Variants in SLC26A5 observed in about 807,000 individuals in gnomAD.
SLC26A5 encodes prestin.
In SLC26A5, 51 loss-of-function variants were observed where a neutral mutation model predicts 81.0. That is an observed-to-expected ratio of 0.63 (90% CI 0.50 to 0.80). The LOEUF is 0.80. Ranked by LOEUF, SLC26A5 falls within the 30% of genes least tolerant of loss-of-function variation. SLC26A5 has a pLI of 0.00. For missense variants in SLC26A5, 771 were observed against 905.8 expected (o/e 0.85, Z 1.91); for synonymous variants, 325 against 332.8 (o/e 0.98, Z 0.25).
At chr7:103,439,672 T>C (rs1405619612) in intron 2 of SLC26A5, among the ~76,000 whole-genome samples, 2 of 152,148 alleles carry the variant, frequency 1.3e-5, no homozygotes, top group Non-Finnish European at 2.9e-5. Flanking sequence ...CAGCTGGGAT[T>C]ACAGGCATGC....
intron 4 of SLC26A5, among the ~76,000 whole-genome samples, chr7:103,420,196 A>G (rs908340778): frequency 2.0e-5 from 3 of 149,438 alleles, no homozygotes; most frequent in African/African-American, 7.3e-5. Flanking sequence ...ATGTTTCTTG[A>G]GTGACTGACT....
At position 103,361,193 on chromosome 7, in the gene SLC26A5, G is replaced by A. The variant is rs561068295; in HGVS notation, c.2042-8267C>T. On this transcript the variant is annotated intron_variant, in intron 19 of 19. Coordinates refer to the SLC26A5 transcript ENST00000339444. ...AAAAAGTAGCAAAAACAATAAAAATGGATTTAAAGTCCGGGTGTGGTGGCT... is the reference window on the plus strand; with the variant it reads ...AAAAAGTAGCAAAAACAATAAAAATAGATTTAAAGTCCGGGTGTGGTGGCT... Among the ~76,000 whole-genome samples the A allele has an allele frequency of 2.0e-5, 3 of 151,664 alleles. No individual in the cohort carries two copies. In the East Asian group the frequency reaches 5.8e-4, roughly 29 times the overall value.
At chr7:103,360,741 T>C (rs1820337234) in intron 19 of SLC26A5, among the ~76,000 whole-genome samples, 1 of 152,230 alleles carries the variant, frequency 6.6e-6, no homozygotes, top group Non-Finnish European at 1.5e-5. Context: ...CGGTTGACTA[T>C]TTTATACTGT....
At chr7:103,384,352 C>A (rs1822023045) in intron 14 of SLC26A5, among the ~76,000 whole-genome samples, 1 of 151,284 alleles carries the variant, frequency 6.6e-6, no homozygotes, top group South Asian at 2.1e-4. Flanking sequence ...GTGGCTCATG[C>A]CTCTAATCCC....
intron 19 of SLC26A5, chr7:103,369,154 A>G (rs554658418): frequency 6.6e-5 from 10 of 152,366 alleles, no homozygotes; most frequent in Non-Finnish European, 1.2e-4. Flanking sequence ...TAAAATTATG[A>G]AAGTTTTCAA....
Position 103,377,794 on chromosome 7 carries a change from T to G in SLC26A5, c.1791A>C (p.Ala597=), listed in dbSNP as rs747702053. 2.9e-5 allele frequency: 47 copies of G among 1,613,756 alleles called. No individual in the cohort carries two copies. The East Asian group carries it at 9.6e-4, about 33-fold the overall frequency. The stretch of plus-strand genomic sequence containing the variant: ...TGGTAGCATCCTCTCCATCTACTTC[T>G]GCATCCTGTGTCAAAAATTAAACCA... ...MANATVVKAD[A]EVDGEDATKP... is the part of the protein sequence containing the mutation. The change falls in exon 18 of 20, where the codon GCA becomes GCC. Residue 597 remains alanine (A), a synonymous_variant. Coordinates refer to ENST00000306312, the MANE Select transcript of SLC26A5 (RefSeq NM_198999.3).
chr7:103,389,461 T>TGTCCACAGA (rs2116462026), intron 12 of SLC26A5, 37 bp from the exon 13 acceptor site: 1 of 1,474,948 alleles, frequency 6.8e-7, no homozygotes, highest in Non-Finnish European at 9.5e-7. Flanking sequence ...TCTCCTCTTG[T>TGTCCACAGA]GTCCACAGAG....
chr7:103,402,565 A>T (rs944257157), intron 8 of SLC26A5, among the ~76,000 whole-genome samples: 1 of 151,726 alleles, frequency 6.6e-6, no homozygotes, highest in Non-Finnish European at 1.5e-5. Flanking sequence ...ATGTCTGGCT[A>T]ATTTTTTTTA....
At chr7:103,388,865 C>T (rs1313848087) in intron 14 of SLC26A5, 143 bp downstream of exon 14, 3 of 687,480 alleles carry the variant, frequency 4.4e-6, no homozygotes, top group Non-Finnish European at 8.1e-6. Context: ...CAACAGGCTA[C>T]ATGAGTGTTA....
intron 10 of SLC26A5, among the ~76,000 whole-genome samples, chr7:103,392,585 A>G (rs1030332004): frequency 4.6e-5 from 7 of 151,828 alleles, no homozygotes; most frequent in Non-Finnish European, 1.5e-5. Context: ...TTATTTATTT[A>G]TTTTTTTTCT....
intron 2 of SLC26A5, among the ~76,000 whole-genome samples, chr7:103,435,792 A>T (rs1283437344): frequency 6.6e-6 from 1 of 152,126 alleles, no homozygotes; most frequent in Non-Finnish European, 1.5e-5. Flanking sequence ...GTTCTGTTTA[A>T]TCAGTAATTT....
In SLC26A5 at chr7:103,411,511, C is replaced by T. The variant is rs761645748; in HGVS notation, c.479G>A (p.Gly160Glu). ...TGTGCCATTGGTTGCATTTACTCCT[C>T]CTGGAATGACTATATCATCTGGTAC... ...RLVPDDIVIPGGVNATNGTEA... is the reference protein window; with the variant it reads ...RLVPDDIVIPEGVNATNGTEA... Residue 160 changes from glycine (G) to glutamate (E), a missense_variant, in exon 6 of 20, where the codon GGA becomes GAA. Coordinates refer to ENST00000306312, the MANE Select transcript of SLC26A5 (RefSeq NM_198999.3). 6.2e-7 allele frequency: 1 copy of T among 1,614,076 alleles called. No homozygotes were observed. The highest frequency in any genetic ancestry group is 8.5e-7 in the Non-Finnish European group (1 of 1,180,044).
At chr7:103,388,984 A>AC in intron 14 of SLC26A5, 24 bp downstream of exon 14, 1 of 1,531,362 alleles carries the variant, frequency 6.5e-7, no homozygotes, top group East Asian at 2.2e-5. Flanking sequence ...GGACATTCAC[A>AC]CCCATTCCAA....
rs780524362 is a variant in SLC26A5 at position 103,420,732 on chromosome 7, A to C, written c.292+6T>G. The C allele has an allele frequency of 1.9e-6, 3 of 1,613,862 alleles. No individual in the cohort carries two copies. In the African/African-American group the frequency reaches 4.0e-5, roughly 22 times the overall value. ...CAAGGGGGGAAAGAAAGAAAGATCT[A>C]CTGACCTTGAGGAAGCTGAAGCACC... On this transcript the variant is annotated splice_donor_region_variant and intron_variant, in intron 4 of 19. Transcript: ENST00000306312.
At chr7:103,410,290 G>T in intron 7 of SLC26A5, 95 bp downstream of exon 7, 1 of 1,130,290 alleles carries the variant, frequency 8.8e-7, no homozygotes, top group Non-Finnish European at 1.3e-6. Flanking sequence ...TGGAGAAAAA[G>T]AAAAATGAGT....
chr7:103,376,584 C>G (rs992428426), intron 19 of SLC26A5, among the ~76,000 whole-genome samples: 1 of 152,122 alleles, frequency 6.6e-6, no homozygotes, highest in African/African-American at 2.4e-5. Flanking sequence ...GGCTTATTGG[C>G]TCCTTTCCTC....
chr7:103,421,963 A>G (rs1825386915), intron 2 of SLC26A5, among the ~76,000 whole-genome samples: 1 of 152,206 alleles, frequency 6.6e-6, no homozygotes, highest in Non-Finnish European at 1.5e-5. Context: ...TCTTAAAGCT[A>G]TATTAGCCTC....
At chr7:103,405,701 A>G (rs545429691) in intron 8 of SLC26A5, among the ~76,000 whole-genome samples, 1 of 152,296 alleles carries the variant, frequency 6.6e-6, no homozygotes, top group Admixed American at 6.5e-5. Flanking sequence ...CAGAGCTCGA[A>G]TGCTGTGCTA....
chr7:103,410,032 AT>A (rs1398926865), intron 7 of SLC26A5, among the ~76,000 whole-genome samples: 16 of 152,160 alleles, frequency 1.1e-4, no homozygotes, highest in Admixed American at 6.5e-5. Flanking sequence ...TGAGAGAGAA[AT>A]GTTCTACCTT....
Sources: allele counts gnomAD v4.1 joint callset (sites outside exome capture counted in the v4.1 genomes callset), GRCh38; gene constraint gnomAD v4.1.1; transcripts MANE v1.5; gene names NCBI Gene and HGNC (gene_info 2026-07-23, HGNC 2026-07-21).